Variants in ACTN1 observed in about 807,000 individuals in gnomAD.
The protein encoded by ACTN1 is actinin alpha 1, also known as alpha-actinin-1.
Under a neutral mutation model 119.6 loss-of-function variants are expected in ACTN1, and 30 were observed. The ratio of observed to expected loss-of-function variants is 0.25; its 90% CI spans 0.19 to 0.34. ACTN1 has a LOEUF of 0.34. Ranked by LOEUF, ACTN1 falls within the 10% of genes least tolerant of loss-of-function variation. ACTN1 has a pLI of 1.00. For missense variants in ACTN1, 764 were observed against 1,223.4 expected (o/e 0.62, Z 5.60); for synonymous variants, 429 against 472.6 (o/e 0.91, Z 1.20).
At position 68,880,202 on chromosome 14, in the gene ACTN1, CAA is replaced by C. The variant is rs2031364691; in HGVS notation, c.2134-96_2134-95del. 2 of 1,484,826 alleles carry C rather than the reference CAA, an allele frequency of 1.3e-6. No homozygotes were observed. Among genetic ancestry groups the C allele is most frequent in the African/African-American group, 2.8e-5 (2 of 71,430 alleles). 92.0% of individuals were successfully genotyped at this position (1,484,826 alleles called of 1,614,324 possible). On this transcript the variant is annotated intron_variant, in intron 17 of 21. Coordinates refer to ENST00000394419, the MANE Select transcript of ACTN1 (RefSeq NM_001130004.2). This position sits in a 1 kb window ranked among gnomAD's most constrained non-coding sequence, Gnocchi z 4.6. ...CCTACTCCCCAACCATCAAAATGGC[CAA>C]AGCCATCAAACTTGGCCTTCTGTGT...
intron 1 of ACTN1, among the ~76,000 whole-genome samples, chr14:68,950,494 A>G (rs957867164): frequency 6.9e-6 from 1 of 145,650 alleles, no homozygotes; most frequent in Non-Finnish European, 1.5e-5. Context: ...AACATATAAA[A>G]TCTGTGGTAT....
rs990031759 is a variant in ACTN1, at chr14:68,953,938, G to T, written c.105+25014C>A. On this transcript the variant is annotated intron_variant, in intron 1 of 21. Coordinates refer to ENST00000394419, the MANE Select transcript of ACTN1 (RefSeq NM_001130004.2). ...TGATAGTAGAAAAATATTTGAAGAG[G>T]AATGATGCTTCAGATAGAAATTCTC... 6.6e-5 allele frequency among the ~76,000 whole-genome samples: 10 copies of T among 151,850 alleles called. No individual in the cohort carries two copies. The East Asian group carries it at 1.7e-3, about 26-fold the overall frequency.
chr14:68,949,342 C>T (rs2036052553), intron 1 of ACTN1, among the ~76,000 whole-genome samples: 1 of 152,198 alleles, frequency 6.6e-6, no homozygotes, highest in South Asian at 2.1e-4. Flanking sequence ...GGGTGGGGAC[C>T]TGGCCCAAAA....
chr14:68,973,433 T>G (rs1251625385), intron 1 of ACTN1, among the ~76,000 whole-genome samples: 6 of 152,212 alleles, frequency 3.9e-5, no homozygotes. Context: ...CCACCTTCGC[T>G]CTGCACTTCT....
At position 68,885,495 on chromosome 14, in the gene ACTN1, C is replaced by T; in HGVS notation, c.1315G>A (p.Ala439Thr). 6.2e-7 allele frequency: 1 copy of T among 1,614,148 alleles called. No homozygotes were observed. The highest frequency in any genetic ancestry group is 1.1e-5 in the South Asian group (1 of 91,074). Reference sequence around the variant, plus strand: ...TGGGCAGCCAGGTCACTCTCGAAGGCCTCATGCTTCTTGAGCAGGGCCTTG... The same window carrying T: ...TGGGCAGCCAGGTCACTCTCGAAGGTCTCATGCTTCTTGAGCAGGGCCTTG... ...EIKALLKKHE[A>T]FESDLAAHQD... The change falls in exon 12 of 22, where the codon GCC (alanine) becomes ACC (threonine). Residue 439 changes from alanine to threonine, a missense_variant. Coordinates refer to ENST00000394419, the MANE Select transcript of ACTN1 (RefSeq NM_001130004.2). The surrounding 1 kb of genome is among the most constrained non-coding windows in gnomAD (Gnocchi z 5.6).
At chr14:68,926,005 G>C (rs555017780) in intron 1 of ACTN1, among the ~76,000 whole-genome samples, 30 of 152,314 alleles carry the variant, frequency 2.0e-4, no homozygotes, top group Non-Finnish European at 4.3e-4. Flanking sequence ...ATTCTTACAA[G>C]TTACCTCTTA....
At chr14:68,892,781 A>G in intron 9 of ACTN1, among the ~76,000 whole-genome samples, 1 of 152,284 alleles carries the variant, frequency 6.6e-6, no homozygotes, top group African/African-American at 2.4e-5. Flanking sequence ...CTGGAGCACA[A>G]GCAGGCACGG....
At chr14:68,898,880 C>T (rs565496139) in intron 8 of ACTN1, among the ~76,000 whole-genome samples, 15 of 151,852 alleles carry the variant, frequency 9.9e-5, no homozygotes, top group South Asian at 2.1e-4. Context: ...GTCACCCACA[C>T]GCCATCCACA....
At chr14:68,916,153 ATT>A (rs1484417360) in intron 3 of ACTN1, among the ~76,000 whole-genome samples, 2 of 152,178 alleles carry the variant, frequency 1.3e-5, no homozygotes, top group African/African-American at 4.8e-5. Context: ...TAAGGGAAAA[ATT>A]TTTTAAGCCT....
chr14:68,912,569 G>T (rs751509448), intron 3 of ACTN1, among the ~76,000 whole-genome samples: 1 of 152,008 alleles, frequency 6.6e-6, no homozygotes, highest in Non-Finnish European at 1.5e-5. Context: ...TAGAGACAGG[G>T]TCTTACGATA....
At chr14:68,881,936 C>CTTT (rs781067137) in intron 16 of ACTN1, among the ~76,000 whole-genome samples, 22 of 58,388 alleles carry the variant, frequency 3.8e-4, no homozygotes, top group African/African-American at 1.5e-3. Context: ...TAGGCAGCTT[C>CTTT]TTTTTTTTTT....
chr14:68,971,040 T>C (rs910301211), intron 1 of ACTN1, among the ~76,000 whole-genome samples: 1 of 152,240 alleles, frequency 6.6e-6, no homozygotes, highest in African/African-American at 2.4e-5. Context: ...AGTTGTTCTC[T>C]TATTTCAATT....
intron 1 of ACTN1, among the ~76,000 whole-genome samples, chr14:68,946,762 G>A (rs1049617522): frequency 6.6e-6 from 1 of 152,146 alleles, no homozygotes; most frequent in African/African-American, 2.4e-5. Flanking sequence ...GTCTCTGCAG[G>A]TTCCCAAGGC....
At chr14:68,895,730 A>G (rs2032826404) in intron 8 of ACTN1, among the ~76,000 whole-genome samples, 1 of 152,208 alleles carries the variant, frequency 6.6e-6, no homozygotes, top group African/African-American at 2.4e-5. Context: ...CTCCTGATCC[A>G]TCGGCTCGAT....
intron 11 of ACTN1, among the ~76,000 whole-genome samples, chr14:68,888,868 G>A (rs2032245703): frequency 6.6e-6 from 1 of 152,170 alleles, no homozygotes; most frequent in African/African-American, 2.4e-5. Context: ...CCTCCCCACT[G>A]CATGGAAAAA....
chr14:68,953,880 T>C (rs1457758806), intron 1 of ACTN1, among the ~76,000 whole-genome samples: 2 of 145,452 alleles, frequency 1.4e-5, no homozygotes, highest in Non-Finnish European at 3.0e-5. Flanking sequence ...AGCAAGACTC[T>C]GTCTCAAAAA....
chr14:68,959,350 T>C (rs2036452382), intron 1 of ACTN1, among the ~76,000 whole-genome samples: 1 of 152,170 alleles, frequency 6.6e-6, no homozygotes, highest in Non-Finnish European at 1.5e-5. Flanking sequence ...GAAACAAGTA[T>C]ACAAAAAGTT....
At chr14:68,955,217 G>A (rs937793321) in intron 1 of ACTN1, among the ~76,000 whole-genome samples, 3 of 152,224 alleles carry the variant, frequency 2.0e-5, no homozygotes, top group Non-Finnish European at 4.4e-5. Flanking sequence ...AACCCCAGGT[G>A]TGGAGTCAGT....
At position 68,892,128 on chromosome 14, in the gene ACTN1, G is replaced by C; in HGVS notation, c.1011C>G (p.Asn337Lys). Reference sequence around the variant, plus strand: ...GCAGCTTGGTCTGCAGCGTGTTGAAGTTGATCTCCAGCTGGCACTTCTCCT... The same window carrying C: ...GCAGCTTGGTCTGCAGCGTGTTGAACTTGATCTCCAGCTGGCACTTCTCCT... ...KVQEKCQLEI[N>K]FNTLQTKLRL... is the part of the protein sequence containing the mutation. The change falls in exon 10 of 22, where the codon AAC becomes AAG. Residue 337 changes from asparagine to lysine, a missense_variant. By Grantham distance (94) the Asn-to-Lys change is moderately conservative (BLOSUM62 0). Coordinates refer to ENST00000394419, the MANE Select transcript of ACTN1 (RefSeq NM_001130004.2). The C allele has an allele frequency of 6.2e-7, 1 of 1,614,110 alleles. No homozygotes were observed. The highest frequency in any genetic ancestry group is 8.5e-7 in the Non-Finnish European group (1 of 1,180,040).
Sources: allele counts gnomAD v4.1 joint callset (sites outside exome capture counted in the v4.1 genomes callset), GRCh38; gene constraint gnomAD v4.1.1; non-coding constraint Gnocchi (gnomAD v3.1); transcripts MANE v1.5; gene names NCBI Gene and HGNC (gene_info 2026-07-23, HGNC 2026-07-21).